ZNF683: variants seen among roughly 807,000 people sequenced by gnomAD.
ZNF683 encodes the protein tissue-resident T-cell transcription regulator protein ZNF683.
ZNF683 carries 20 observed loss-of-function variants against 31.4 expected under a neutral mutation model. That is an observed-to-expected ratio of 0.64 (90% CI 0.45 to 0.93). The LOEUF (loss-of-function observed/expected upper bound fraction) is 0.93, where lower values mean the gene tolerates loss of function less well. Among genes scored for constraint, ZNF683 ranks in the 40% least tolerant of loss-of-function variants. The pLI, the probability that ZNF683 is intolerant of heterozygous loss-of-function variation, is 0.00. For synonymous variants in ZNF683, 264 were observed against 267.6 expected (o/e 0.99, Z 0.13); for missense variants, 621 against 637.2 (o/e 0.97, Z 0.27).
chr1:26,363,029 G>T lies in ZNF683; in HGVS notation c.1140C>A (p.Cys380Ter), dbSNP rs1162113954. ...LVHTGERPHKCSVCHKRFSSS... is the reference protein window; with the variant it reads ...LVHTGERPHK ...AGTAGGGGGAGAAGGATCTCACCGA[G>T]CACTTGTGGGGCCGCTCCCCAGTGT... The change falls in exon 5 of 6, where the codon TGC becomes TGA. Residue 380 changes from cysteine (C) to a stop codon, truncating the protein, a stop_gained. Transcript: ENST00000349618. LOFTEE classifies it low-confidence loss of function (END_TRUNC). 5 of 1,609,498 alleles carry T rather than the reference G, an allele frequency of 3.1e-6. No individual in the cohort carries two copies. The highest frequency in any genetic ancestry group is 4.2e-6 in the Non-Finnish European group (5 of 1,177,688).
Position 26,361,703 on chromosome 1 carries a change from C to T in ZNF683, c.1463G>A (p.Ser488Asn). The T allele has an allele frequency of 6.2e-7, 1 of 1,614,044 alleles. No homozygotes were observed. The highest frequency in any genetic ancestry group is 1.1e-5 in the South Asian group (1 of 91,086). ...STSQGKARAV[S>N]LSSAGTPLVM... ...CAGGGGAGTCCCGGCACTGCTCAGG[C>T]TCACTGCTCTTGCTTTCCCCTGGGA... The change falls in exon 6 of 6, where the codon AGC becomes AAC. Residue 488 changes from serine to asparagine, a missense_variant. By Grantham distance (46) the Ser-to-Asn change is conservative. Coordinates refer to ENST00000349618, the MANE Select transcript of ZNF683 (RefSeq NM_001114759.3).
rs775449575 is a variant in ZNF683 at position 26,365,025 on chromosome 1, G to C, written c.521C>G (p.Pro174Arg). Reference protein sequence around the residue: ...RKSPSPLAFCPCPPVNSISKE... With the variant: ...RKSPSPLAFCRCPPVNSISKE... ...GGAGATGGAGTTGACAGGGGGACAG[G>C]GGCAGAAAGCCAAGGGGCTGGGGCT... Residue 174 changes from proline to arginine, a missense_variant, in exon 4 of 6, where the codon CCC becomes CGC. Physicochemically the swap from Pro to Arg is moderately radical, Grantham distance 103 (BLOSUM62 -2). Transcript: ENST00000349618. 4 of 1,590,446 alleles carry C rather than the reference G, an allele frequency of 2.5e-6. No homozygotes were observed. The highest frequency in any genetic ancestry group is 1.4e-5 in the African/African-American group (1 of 73,956).
At chr1:26,367,505 C>T in intron 3 of ZNF683, 88 bp downstream of exon 3, 1 of 1,337,044 alleles carries the variant, frequency 7.5e-7, no homozygotes, top group Non-Finnish European at 1.0e-6. Flanking sequence ...ACACTGCGTC[C>T]TCTCCACCAC....
rs371744270 is a variant in ZNF683 at position 26,368,437 on chromosome 1, A to G, written c.114+21T>C. 229 of 1,542,634 alleles carry G rather than the reference A, an allele frequency of 1.5e-4. No homozygotes were observed. In the African/African-American group the frequency reaches 2.5e-3, roughly 17 times the overall value. The stretch of plus-strand genomic sequence containing the variant: ...CTATAAGCAGACTACCCACAAAGGT[A>G]AGGCTGGGGTTCTACCTTACCTGGT... On this transcript the variant is annotated intron_variant, in intron 2 of 5. Transcript: ENST00000349618.
At chr1:26,371,919 G>A (rs190524988) in intron 1 of ZNF683, among the ~76,000 whole-genome samples, 18 of 152,106 alleles carry the variant, frequency 1.2e-4, no homozygotes, top group Admixed American at 2.0e-4. Flanking sequence ...GTGACAGAGC[G>A]AGACCCTGTC....
chr1:26,362,167 CCACGGTATCTAG>C (rs1490490154), intron 5 of ZNF683, 145 bp from the exon 6 acceptor site: 1 of 1,598,302 alleles, frequency 6.3e-7, no homozygotes, highest in Non-Finnish European at 8.5e-7. Context: ...TTCCTGGAAC[CCACGGTATCTAG>C]CACATTAGAA....
At chr1:26,364,299 C>T (rs1240745306) in intron 4 of ZNF683, among the ~76,000 whole-genome samples, 1 of 152,162 alleles carries the variant, frequency 6.6e-6, no homozygotes, top group Non-Finnish European at 1.5e-5. Context: ...CTCAGTCTCC[C>T]CATTTTAACC....
chr1:26,373,732 G>T (rs1414120115), upstream of ZNF683, among the ~76,000 whole-genome samples: 1 of 152,184 alleles, frequency 6.6e-6, no homozygotes, highest in Non-Finnish European at 1.5e-5. Context: ...TGATAATTCT[G>T]CATTATACAT....
intron 1 of ZNF683, 83 bp from the exon 2 acceptor site, chr1:26,368,668 A>G (rs2074591052): frequency 1.4e-6 from 2 of 1,419,252 alleles, no homozygotes; most frequent in South Asian, 3.2e-5. Context: ...TCCCATTAAC[A>G]TGCTGCATGA....
chr1:26,372,666 T>C lies in ZNF683; in HGVS notation c.-15+3A>G, dbSNP rs11247937. On this transcript the variant is annotated splice_donor_region_variant and intron_variant, in intron 1 of 5. Transcript: ENST00000349618. ...TCCCCTCTATCCGCACTTCCCAACC[T>C]ACTCTGGTGATCATGGGCTTTCCTT... 0.33 allele frequency: 429,044 copies of C among 1,299,330 alleles called. 76,688 individuals carry two copies. The highest frequency in any genetic ancestry group is 0.63 in the East Asian group (11,414 of 17,998). The allele number at this position is 1,299,330 out of a possible 1,614,324, so 80.5% of individuals were successfully genotyped here. A position where few individuals can be genotyped will look rare whatever the true frequency, so the allele number is the denominator to read the frequency against.
chr1:26,374,336 T>C (rs1484577805), upstream of ZNF683: 6 of 1,303,172 alleles, frequency 4.6e-6, no homozygotes, highest in South Asian at 7.4e-5. Context: ...CTCCCAGCTC[T>C]CAGAACACTT....
At chr1:26,374,005 C>T (rs1475083955), upstream of ZNF683, among the ~76,000 whole-genome samples, 2 of 151,418 alleles carry the variant, frequency 1.3e-5, no homozygotes, top group Non-Finnish European at 2.9e-5. Context: ...GTCAGCTTCC[C>T]CCACTACGAC....
At chr1:26,363,279 C>T in intron 4 of ZNF683, 125 bp from the exon 5 acceptor site, 1 of 1,273,066 alleles carries the variant, frequency 7.9e-7, no homozygotes, top group African/African-American at 1.5e-5. Context: ...CCATCATCCC[C>T]AGGATACTCT....
intron 5 of ZNF683, chr1:26,362,299 G>T: frequency 1.1e-6 from 1 of 932,358 alleles, no homozygotes; most frequent in Non-Finnish European, 1.7e-6. Flanking sequence ...TTAATACCTA[G>T]CTTCATAGAT....
chr1:26,363,259 C>G, intron 4 of ZNF683, 105 bp from the exon 5 acceptor site: 1 of 1,383,310 alleles, frequency 7.2e-7, no homozygotes, highest in South Asian at 1.4e-5. Context: ...CCCGTCATCT[C>G]CCTCAGGGCC....
At chr1:26,373,420 T>C (rs2074708270), upstream of ZNF683, 1 of 152,110 alleles carries the variant, frequency 6.6e-6, no homozygotes, top group Non-Finnish European at 1.5e-5. Context: ...AAAAAGCCAC[T>C]GGTCCTGAGG....
At position 26,362,167 on chromosome 1, in the gene ZNF683, C is replaced by T. The variant is rs781313587; in HGVS notation, c.1144-145G>A. The stretch of plus-strand genomic sequence containing the variant: ...TTTTCCAGTGATTTCTTCCTGGAAC[C>T]CACGGTATCTAGCACATTAGAACCA... On this transcript the variant is annotated intron_variant, in intron 5 of 5. Coordinates refer to ENST00000349618, the MANE Select transcript of ZNF683 (RefSeq NM_001114759.3). The T allele has an allele frequency of 1.9e-5, 30 of 1,598,302 alleles. 2 individuals are homozygous for T. The South Asian group carries it at 2.8e-4, about 15-fold the overall frequency.
rs374260475 is a variant in ZNF683 at position 26,361,932 on chromosome 1, G to A, written c.1234C>T (p.Arg412Trp). 2.5e-5 allele frequency: 41 copies of A among 1,613,874 alleles called. No homozygotes were observed. Among genetic ancestry groups the A allele is most frequent in the African/African-American group, 6.7e-5 (5 of 74,936 alleles). The change falls in exon 6 of 6, where the codon CGG becomes TGG. Residue 412 changes from arginine to tryptophan, a missense_variant. Physicochemically the swap from Arg to Trp is moderately radical, Grantham distance 101. Coordinates refer to ENST00000349618, the MANE Select transcript of ZNF683 (RefSeq NM_001114759.3). Reference protein sequence around the residue: ...GARPFQCSVCRSRFTQHIHLK... With the variant: ...GARPFQCSVCWSRFTQHIHLK... ...TGGATGTGCTGGGTGAAGCGACTCC[G>A]GCAGACACTGCACTGGAAGGGCCGG...
Position 26,362,185 on chromosome 1 carries a change from T to C in ZNF683, c.1144-163A>G, listed in dbSNP as rs762736330. On this transcript the variant is annotated intron_variant, in intron 5 of 5. Transcript: ENST00000349618. ...CTGGAACCCACGGTATCTAGCACAT[T>C]AGAACCAGGCCAACTTGGGTTAGTG... 3.8e-6 allele frequency: 6 copies of C among 1,580,018 alleles called. No homozygotes were observed. The South Asian group carries it at 6.9e-5, about 18-fold the overall frequency.
Sources: gnomAD v4.1 joint callset for allele counts (sites outside exome capture counted in the v4.1 genomes callset) on GRCh38, gnomAD v4.1.1 for gene constraint, MANE v1.5 for transcripts, NCBI Gene and HGNC (gene_info 2026-07-23, HGNC 2026-07-21) for gene names.